Variants in RPS6KC1 observed in about 807,000 individuals in gnomAD.
RPS6KC1 encodes inactive ribosomal protein S6 kinase delta-1.
A neutral mutation model predicts 103.8 loss-of-function variants in RPS6KC1; 54 were observed. The observed-to-expected ratio is 0.52, with a 90% CI of 0.42 to 0.65. The LOEUF is 0.65. Ranked by LOEUF, RPS6KC1 falls within the 30% of genes least tolerant of loss-of-function variation. The pLI, the probability that RPS6KC1 is intolerant of heterozygous loss-of-function variation, is 0.00. For synonymous variants in RPS6KC1, 439 were observed against 438.7 expected (o/e 1.00, Z -0.01); for missense variants, 1,151 against 1,253.8 (o/e 0.92, Z 1.24).
At chr1:213,743,477 C>A in the RPS6KC1 span, among the ~76,000 whole-genome samples, 1 of 152,070 alleles carries the variant, frequency 6.6e-6, no homozygotes, top group African/African-American at 2.4e-5. Context: ...AACAAACATG[C>A]ACATGTACCC....
the RPS6KC1 span, among the ~76,000 whole-genome samples, chr1:213,298,469 A>G: frequency 6.6e-6 from 1 of 152,096 alleles, no homozygotes; most frequent in East Asian, 1.9e-4. Context: ...CTTAGTAGGA[A>G]CTTTCAACCT....
rs377022772 is a variant in RPS6KC1 at position 213,220,227 on chromosome 1, C to T, written c.1045-10270C>T. 2.6e-5 allele frequency among the ~76,000 whole-genome samples: 4 copies of T among 151,920 alleles called. No individual in the cohort carries two copies. The East Asian group carries it at 7.7e-4, about 29-fold the overall frequency. On this transcript the variant is annotated intron_variant, in intron 8 of 14. Coordinates refer to ENST00000366960, the MANE Select transcript of RPS6KC1 (RefSeq NM_012424.6). Reference sequence around the variant, plus strand: ...TATGGTACATTAATGTTTAATAATGCCCTATCTTTAAATTAGTTTATAACT... The same window carrying T: ...TATGGTACATTAATGTTTAATAATGTCCTATCTTTAAATTAGTTTATAACT...
the RPS6KC1 span, among the ~76,000 whole-genome samples, chr1:213,547,984 T>G: frequency 6.6e-6 from 1 of 152,212 alleles, no homozygotes; most frequent in African/African-American, 2.4e-5. Flanking sequence ...GTACAAGGAT[T>G]TTCATAGAAG....
chr1:213,208,707 A>G (rs1040882033), intron 8 of RPS6KC1, among the ~76,000 whole-genome samples: 14 of 152,134 alleles, frequency 9.2e-5, no homozygotes, highest in Middle Eastern at 3.4e-3. Context: ...CATTTGGTGT[A>G]CAGGTTTTCA....
chr1:213,826,744 T>G, the RPS6KC1 span, among the ~76,000 whole-genome samples: 1 of 152,158 alleles, frequency 6.6e-6, no homozygotes, highest in Non-Finnish European at 1.5e-5. Context: ...ATTTATTAAC[T>G]CTTTTAATCC....
At chr1:213,789,654 A>C in the RPS6KC1 span, among the ~76,000 whole-genome samples, 2 of 152,222 alleles carry the variant, frequency 1.3e-5, no homozygotes, top group Non-Finnish European at 2.9e-5. Context: ...TGCATCCCTT[A>C]AAACGATAAG....
chr1:213,353,464 T>C, the RPS6KC1 span, among the ~76,000 whole-genome samples: 1 of 152,196 alleles, frequency 6.6e-6, no homozygotes, highest in South Asian at 2.1e-4. Flanking sequence ...ACCCAGCCAG[T>C]AGGTGCTGAA....
chr1:213,692,488 T>C, the RPS6KC1 span, among the ~76,000 whole-genome samples: 2 of 152,042 alleles, frequency 1.3e-5, no homozygotes, highest in Admixed American at 1.3e-4. Context: ...AAGCGTATGG[T>C]TTGACCTTTG....
the RPS6KC1 span, among the ~76,000 whole-genome samples, chr1:213,350,952 TGTC>T: frequency 3.9e-5 from 6 of 152,220 alleles, no homozygotes; most frequent in Non-Finnish European, 7.3e-5. Flanking sequence ...TATGTTTTCT[TGTC>T]GTCAAATGTT....
intron 8 of RPS6KC1, among the ~76,000 whole-genome samples, chr1:213,186,038 C>G (rs1193200392): frequency 6.6e-6 from 1 of 151,228 alleles, no homozygotes; most frequent in East Asian, 1.9e-4. Flanking sequence ...ATCACCCCCA[C>G]ATTTTGAGTT....
chr1:213,147,027 G>T lies in RPS6KC1; in HGVS notation c.835+17138G>T, dbSNP rs1406642317. ...AAATGTCTGTTCATATCTTATGCCCGTTTTTTGATTGGATTATTAGATTTT... is the reference window on the plus strand; with the variant it reads ...AAATGTCTGTTCATATCTTATGCCCTTTTTTTGATTGGATTATTAGATTTT... On this transcript the variant is annotated intron_variant, in intron 6 of 14. Transcript: ENST00000366960. Among the ~76,000 whole-genome samples the T allele has an allele frequency of 2.0e-5, 3 of 151,970 alleles. No individual in the cohort carries two copies. The South Asian group carries it at 6.2e-4, about 31-fold the overall frequency.
chr1:213,700,468 G>A, the RPS6KC1 span, among the ~76,000 whole-genome samples: 1 of 151,560 alleles, frequency 6.6e-6, no homozygotes, highest in East Asian at 1.9e-4. Flanking sequence ...TTGAAGTCAG[G>A]TAATGTGATC....
downstream of RPS6KC1, among the ~76,000 whole-genome samples, chr1:213,278,879 A>C: frequency 6.6e-6 from 1 of 151,884 alleles, no homozygotes; most frequent in East Asian, 1.9e-4. Flanking sequence ...TTTAAACATA[A>C]GATTTTTTTT....
the RPS6KC1 span, among the ~76,000 whole-genome samples, chr1:213,575,931 G>T: frequency 6.6e-6 from 1 of 152,162 alleles, no homozygotes; most frequent in Non-Finnish European, 1.5e-5. Flanking sequence ...GGCACAACCT[G>T]CAGCTAGACA....
intron 3 of RPS6KC1, among the ~76,000 whole-genome samples, chr1:213,096,651 C>T (rs891277250): frequency 1.3e-5 from 2 of 150,990 alleles, no homozygotes; most frequent in Non-Finnish European, 3.0e-5. Flanking sequence ...GGTGACAGCA[C>T]GAGACACTGT....
the RPS6KC1 span, among the ~76,000 whole-genome samples, chr1:213,789,009 G>A: frequency 6.6e-6 from 1 of 152,118 alleles, no homozygotes; most frequent in South Asian, 2.1e-4. Flanking sequence ...CATTTTTGTG[G>A]AAAACTAGGG....
chr1:213,483,980 C>T, the RPS6KC1 span, among the ~76,000 whole-genome samples: 1 of 152,260 alleles, frequency 6.6e-6, no homozygotes, highest in East Asian at 1.9e-4. Context: ...AGGGGATAGG[C>T]CAGTGGCAAG....
chr1:213,165,305 A>G (rs1307852562), intron 6 of RPS6KC1, among the ~76,000 whole-genome samples: 1 of 152,142 alleles, frequency 6.6e-6, no homozygotes, highest in East Asian at 1.9e-4. Context: ...ATCTCAGCTC[A>G]GTGCAACCTC....
chr1:213,669,941 T>G, the RPS6KC1 span, among the ~76,000 whole-genome samples: 1 of 152,178 alleles, frequency 6.6e-6, no homozygotes, highest in African/African-American at 2.4e-5. Context: ...GTCTGGGGTC[T>G]TCCAGCCTCA....
Sources: gnomAD v4.1 joint callset for allele counts (sites outside exome capture counted in the v4.1 genomes callset) on GRCh38, gnomAD v4.1.1 for gene constraint, MANE v1.5 for transcripts, NCBI Gene and HGNC (gene_info 2026-07-23, HGNC 2026-07-21) for gene names.